The following ARHGAP26 variants were observed in gnomAD, a reference collection of about 807,000 sequenced individuals.
The protein encoded by ARHGAP26 is Rho GTPase activating protein 26.
ARHGAP26 carries 38 observed loss-of-function variants against 104.8 expected under a neutral mutation model. That is an observed-to-expected ratio of 0.36 (90% CI 0.28 to 0.48). ARHGAP26 has a LOEUF of 0.48. Ranked by LOEUF, ARHGAP26 falls within the 20% of genes least tolerant of loss-of-function variation. The pLI, the probability that ARHGAP26 is intolerant of heterozygous loss-of-function variation, is 0.99. For missense variants in ARHGAP26, 704 were observed against 947.9 expected, an observed-to-expected ratio of 0.74 and a Z score of 3.38; for synonymous variants, 341 against 340.0, an observed-to-expected ratio of 1.00 and a Z score of -0.03.
At chr5:142,803,451 C>T (rs1382506130) in intron 1 of ARHGAP26, among the ~76,000 whole-genome samples, 1 of 152,062 alleles carries the variant, frequency 6.6e-6, no homozygotes, top group Non-Finnish European at 1.5e-5. Flanking sequence ...TTGCATCTGC[C>T]CCATAGCTCC....
At chr5:143,055,583 G>C (rs574235618) in intron 15 of ARHGAP26, among the ~76,000 whole-genome samples, 1 of 152,296 alleles carries the variant, frequency 6.6e-6, no homozygotes, top group East Asian at 1.9e-4. Context: ...ATACTCCATA[G>C]TGAATTCACC....
intron 12 of ARHGAP26, among the ~76,000 whole-genome samples, chr5:143,022,012 C>T (rs1780402877): frequency 6.6e-6 from 1 of 152,184 alleles, no homozygotes; most frequent in South Asian, 2.1e-4. Context: ...ATCTAGACTT[C>T]TGTATTTATT....
chr5:143,142,507 A>C (rs934542656), intron 19 of ARHGAP26, among the ~76,000 whole-genome samples: 2 of 152,132 alleles, frequency 1.3e-5, no homozygotes, highest in Non-Finnish European at 2.9e-5. Flanking sequence ...TTTAAAAAAA[A>C]AACATTGTCC....
In ARHGAP26 at chr5:142,799,404, A is replaced by T. The variant is rs1209142709; in HGVS notation, c.154+28489A>T. The stretch of plus-strand genomic sequence containing the variant: ...ATTCTACAAATGCTTGTCAAGACGA[A>T]TGTCTTAATTTGTAATATGGTGAGA... On this transcript the variant is annotated intron_variant, in intron 1 of 22. Transcript: ENST00000645722. Among the ~76,000 whole-genome samples, 3 of 152,276 alleles carry T rather than the reference A, an allele frequency of 2.0e-5. No homozygotes were observed. The South Asian group carries it at 6.2e-4, about 32-fold the overall frequency.
rs1755900666 is a variant in ARHGAP26 at position 142,875,165 on chromosome 5, A to G, written c.306A>G (p.Ile102Met). The G allele has an allele frequency of 6.2e-7, 1 of 1,614,126 alleles. No individual in the cohort carries two copies. Among genetic ancestry groups the G allele is most frequent in the East Asian group, 2.2e-5 (1 of 44,882 alleles). Residue 102 changes from isoleucine to methionine, a missense_variant, in exon 3 of 23, where the codon ATA becomes ATG. Physicochemically the swap from Ile to Met is conservative, Grantham distance 10 (BLOSUM62 1). Transcript: ENST00000645722. ...TVLRNLEDER[I>M]RMIENASEVL... Reference sequence around the variant, plus strand: ...TCAGGAATCTTGAAGATGAACGGATACGGATGGTGAGTAGGGCTGGGCTAC... The same window carrying G: ...TCAGGAATCTTGAAGATGAACGGATGCGGATGGTGAGTAGGGCTGGGCTAC...
At chr5:143,000,485 T>G (rs1459304907) in intron 11 of ARHGAP26, among the ~76,000 whole-genome samples, 1 of 152,252 alleles carries the variant, frequency 6.6e-6, no homozygotes, top group Non-Finnish European at 1.5e-5. Flanking sequence ...TGGATGAATA[T>G]TAAAAATTTT....
intron 11 of ARHGAP26, among the ~76,000 whole-genome samples, chr5:142,990,928 G>T (rs1445222685): frequency 6.6e-6 from 1 of 152,182 alleles, no homozygotes; most frequent in African/African-American, 2.4e-5. Context: ...ACTTGAGGAG[G>T]CAGTCTGTCC....
chr5:143,080,665 A>G (rs1265149434), intron 17 of ARHGAP26, among the ~76,000 whole-genome samples: 3 of 152,252 alleles, frequency 2.0e-5, no homozygotes, highest in Non-Finnish European at 4.4e-5. Flanking sequence ...CTGAGTTTGC[A>G]GAGCTAAGCA....
intron 18 of ARHGAP26, among the ~76,000 whole-genome samples, chr5:143,125,450 G>T (rs529019586): frequency 7.9e-5 from 12 of 152,298 alleles, no homozygotes; most frequent in Admixed American, 5.9e-4. Flanking sequence ...CTTGTGTTTG[G>T]TCAGATAGAG....
At chr5:142,840,816 C>A (rs78925358) in intron 1 of ARHGAP26, among the ~76,000 whole-genome samples, 1,830 of 152,234 alleles carry the variant, frequency 0.012, 36 homozygotes, top group African/African-American at 0.041. Context: ...ATTAAGCAAC[C>A]CTTCCATATC....
chr5:142,911,675 A>G (rs1208667293), intron 9 of ARHGAP26, among the ~76,000 whole-genome samples: 2 of 152,162 alleles, frequency 1.3e-5, no homozygotes, highest in Non-Finnish European at 2.9e-5. Flanking sequence ...CTCTTTCTGC[A>G]TGTATTTGGT....
chr5:143,069,962 C>T (rs1031662438), intron 17 of ARHGAP26, among the ~76,000 whole-genome samples: 1 of 152,196 alleles, frequency 6.6e-6, no homozygotes, highest in African/African-American at 2.4e-5. Flanking sequence ...GGCCTGGGCT[C>T]CCTTCACAGC....
intron 9 of ARHGAP26, among the ~76,000 whole-genome samples, chr5:142,912,909 G>T (rs1762020868): frequency 6.6e-6 from 1 of 152,134 alleles, no homozygotes; most frequent in Admixed American, 6.5e-5. Flanking sequence ...TATCAAACCT[G>T]CAAATTAAAA....
intron 1 of ARHGAP26, among the ~76,000 whole-genome samples, chr5:142,864,032 AC>A (rs1336135826): frequency 4.6e-5 from 7 of 151,282 alleles, no homozygotes; most frequent in Non-Finnish European, 1.0e-4. Flanking sequence ...CTCTATCTCC[AC>A]CCACCAGCCC....
At chr5:142,858,866 A>G (rs1752844397) in intron 1 of ARHGAP26, among the ~76,000 whole-genome samples, 1 of 152,162 alleles carries the variant, frequency 6.6e-6, no homozygotes, top group Admixed American at 6.5e-5. Context: ...GGAGAATCTA[A>G]TGGGCTAAGG....
intron 20 of ARHGAP26, among the ~76,000 whole-genome samples, chr5:143,162,287 AC>A (rs1801344337): frequency 1.1e-5 from 1 of 91,494 alleles, no homozygotes; most frequent in Non-Finnish European, 2.9e-5. Context: ...ACACACATAC[AC>A]ACACACACAC....
chr5:142,832,928 AT>A (rs749664216), intron 1 of ARHGAP26, among the ~76,000 whole-genome samples: 17 of 152,126 alleles, frequency 1.1e-4, no homozygotes, highest in East Asian at 1.9e-4. Flanking sequence ...TTACTTAAAA[AT>A]TTTTTTTGAT....
intron 1 of ARHGAP26, among the ~76,000 whole-genome samples, chr5:142,805,622 A>G (rs141010445): frequency 6.6e-6 from 1 of 152,268 alleles, no homozygotes; most frequent in East Asian, 1.9e-4. Context: ...ATGAGTTTAT[A>G]TGAAGGCCCA....
intron 17 of ARHGAP26, among the ~76,000 whole-genome samples, chr5:143,072,645 C>T (rs1048698707): frequency 2.6e-5 from 4 of 151,994 alleles, no homozygotes; most frequent in African/African-American, 9.7e-5. Context: ...AGTGAAGAAA[C>T]AAAGTTAAAT....
Sources: gnomAD v4.1 joint callset for allele counts (sites outside exome capture counted in the v4.1 genomes callset) on GRCh38, gnomAD v4.1.1 for gene constraint, MANE v1.5 for transcripts, NCBI Gene and HGNC (gene_info 2026-07-23, HGNC 2026-07-21) for gene names.